The following PPP1R9A variants were observed in gnomAD, a reference collection of about 807,000 sequenced individuals.
PPP1R9A encodes protein phosphatase 1 regulatory subunit 9A.
A neutral mutation model predicts 141.9 loss-of-function variants in PPP1R9A; 59 were observed. The ratio of observed to expected loss-of-function variants is 0.42; its 90% CI spans 0.34 to 0.52. PPP1R9A has a LOEUF of 0.52. PPP1R9A is among the 20% of genes least tolerant of loss of function. The probability of loss-of-function intolerance (pLI) is 0.10; values close to 1 mark genes in which losing one functional copy is unlikely to be tolerated. For missense variants in PPP1R9A, 1,444 were observed against 1,611.9 expected (o/e 0.90, Z 1.78); for synonymous variants, 500 against 569.7 (o/e 0.88, Z 1.74).
intron 7 of PPP1R9A, among the ~76,000 whole-genome samples, chr7:95,215,686 T>A (rs1017496097): frequency 2.0e-5 from 3 of 152,246 alleles, no homozygotes; most frequent in African/African-American, 7.2e-5. Context: ...AGATGGTATC[T>A]CATTGTGGTT....
chr7:95,215,683 A>G (rs1793214761), intron 7 of PPP1R9A, among the ~76,000 whole-genome samples: 1 of 152,212 alleles, frequency 6.6e-6, no homozygotes, highest in Non-Finnish European at 1.5e-5. Flanking sequence ...ATGAGATGGT[A>G]TCTCATTGTG....
At chr7:95,027,957 G>A (rs988979552) in intron 2 of PPP1R9A, among the ~76,000 whole-genome samples, 4 of 151,902 alleles carry the variant, frequency 2.6e-5, no homozygotes, top group Non-Finnish European at 5.9e-5. Context: ...TTTGTGCTGT[G>A]GCTTCATGAA....
chr7:94,980,258 C>G (rs1799933362), intron 2 of PPP1R9A, among the ~76,000 whole-genome samples: 1 of 151,676 alleles, frequency 6.6e-6, no homozygotes, highest in South Asian at 2.1e-4. Context: ...GGGCCGCTTT[C>G]AAAGCCACCC....
At chr7:95,116,749 T>G (rs1164724815) in intron 3 of PPP1R9A, among the ~76,000 whole-genome samples, 1 of 152,190 alleles carries the variant, frequency 6.6e-6, no homozygotes, top group Non-Finnish European at 1.5e-5. Flanking sequence ...AATGACTTAA[T>G]TTTCCAAATA....
chr7:95,019,359 G>A (rs113024698), intron 2 of PPP1R9A, among the ~76,000 whole-genome samples: 3,776 of 152,232 alleles, frequency 0.025, 174 homozygotes, highest in African/African-American at 0.086. Context: ...CTCCAGCCTG[G>A]GCGATAGAGC....
intron 7 of PPP1R9A, among the ~76,000 whole-genome samples, chr7:95,213,212 C>A (rs1308320462): frequency 6.6e-6 from 1 of 151,816 alleles, no homozygotes; most frequent in Non-Finnish European, 1.5e-5. Flanking sequence ...GACAGTATGT[C>A]CCTTTAGGCA....
At chr7:94,946,730 C>G (rs2150992706) in intron 2 of PPP1R9A, among the ~76,000 whole-genome samples, 1 of 152,236 alleles carries the variant, frequency 6.6e-6, no homozygotes, top group South Asian at 2.1e-4. Flanking sequence ...TTCAAATTTA[C>G]TTTCTGCGTT....
chr7:95,071,743 TTAAGG>T (rs1241668936), intron 2 of PPP1R9A, among the ~76,000 whole-genome samples: 7 of 151,938 alleles, frequency 4.6e-5, no homozygotes, highest in Non-Finnish European at 7.4e-5. Context: ...ATGAAATACA[TTAAGG>T]TAATTATTTT....
At chr7:94,955,357 G>C (rs1796971865) in intron 2 of PPP1R9A, among the ~76,000 whole-genome samples, 1 of 152,046 alleles carries the variant, frequency 6.6e-6, no homozygotes, top group Non-Finnish European at 1.5e-5. Context: ...ATTATCTATT[G>C]CTTTGTTTTA....
chr7:95,189,286 T>C (rs1320352422), intron 5 of PPP1R9A, among the ~76,000 whole-genome samples: 1 of 152,136 alleles, frequency 6.6e-6, no homozygotes, highest in Admixed American at 6.5e-5. Flanking sequence ...GATGATCTTT[T>C]TGCTGGTGGT....
At chr7:95,210,587 T>G (rs1196760676) in intron 7 of PPP1R9A, among the ~76,000 whole-genome samples, 2 of 152,046 alleles carry the variant, frequency 1.3e-5, no homozygotes, top group Non-Finnish European at 2.9e-5. Context: ...TGCCTCAGCC[T>G]CCTCACTAGC....
chr7:94,920,753 T>C (rs1367713787), intron 2 of PPP1R9A, among the ~76,000 whole-genome samples: 2 of 151,984 alleles, frequency 1.3e-5, no homozygotes, highest in African/African-American at 4.8e-5. Context: ...GTGAATAGAG[T>C]CATGACCATG....
chr7:94,916,335 CA>C lies in PPP1R9A; in HGVS notation c.1395+4829del, dbSNP rs1390402086. Among the ~76,000 whole-genome samples the C allele has an allele frequency of 2.0e-5, 3 of 152,170 alleles. No individual in the cohort carries two copies. In the East Asian group the frequency reaches 5.8e-4, roughly 29 times the overall value. On this transcript the variant is annotated intron_variant, in intron 2 of 19. Coordinates refer to ENST00000433360, the MANE Select transcript of PPP1R9A (RefSeq NM_001166160.2). ...GGAACCTTAGATTTTACATTTCTAACAAGCTCTCAAGTGGTGCCGATGCCGC... is the reference window on the plus strand; with the variant it reads ...GGAACCTTAGATTTTACATTTCTAACAGCTCTCAAGTGGTGCCGATGCCGC...
chr7:95,242,150 G>A (rs1169148872), intron 8 of PPP1R9A, among the ~76,000 whole-genome samples: 1 of 152,144 alleles, frequency 6.6e-6, no homozygotes, highest in African/African-American at 2.4e-5. Context: ...AAGAAATATG[G>A]CAAAGCTTCA....
intron 2 of PPP1R9A, among the ~76,000 whole-genome samples, chr7:95,077,991 A>ATT (rs1491212156): frequency 7.6e-6 from 1 of 132,436 alleles, no homozygotes; most frequent in Non-Finnish European, 1.6e-5. Context: ...TTTTTTTTTT[A>ATT]ATTATACTTT....
chr7:95,163,690 A>G (rs1043892751), intron 5 of PPP1R9A, among the ~76,000 whole-genome samples: 2 of 151,044 alleles, frequency 1.3e-5, no homozygotes, highest in Non-Finnish European at 3.0e-5. Context: ...GGGATGCTCA[A>G]CCTGTATAAA....
intron 2 of PPP1R9A, among the ~76,000 whole-genome samples, chr7:95,033,347 TTTGTCTA>T (rs750902068): frequency 5.9e-5 from 9 of 151,988 alleles, no homozygotes; most frequent in Non-Finnish European, 1.2e-4. Flanking sequence ...GTTCAAGTCC[TTTGTCTA>T]TTTTTCATTC....
intron 2 of PPP1R9A, among the ~76,000 whole-genome samples, chr7:95,091,901 T>G (rs1487013403): frequency 1.3e-5 from 2 of 152,052 alleles, no homozygotes; most frequent in Non-Finnish European, 2.9e-5. Context: ...GGACTTGTAT[T>G]TCGTTGTCAC....
At chr7:95,288,919 G>C (rs1419985317) in intron 19 of PPP1R9A, among the ~76,000 whole-genome samples, 1 of 152,158 alleles carries the variant, frequency 6.6e-6, no homozygotes, top group Admixed American at 6.5e-5. Context: ...TCAAATGGTA[G>C]GCTGCTGATT....
Sources: gnomAD v4.1 joint callset for allele counts (sites outside exome capture counted in the v4.1 genomes callset) on GRCh38, gnomAD v4.1.1 for gene constraint, MANE v1.5 for transcripts, NCBI Gene and HGNC (gene_info 2026-07-23, HGNC 2026-07-21) for gene names.